The following DENND2A variants were observed in gnomAD, a reference collection of about 807,000 sequenced individuals.
DENND2A encodes DENN domain-containing protein 2A.
DENND2A carries 53 observed loss-of-function variants against 105.3 expected under a neutral mutation model. The ratio of observed to expected loss-of-function variants is 0.50; its 90% CI spans 0.40 to 0.63. DENND2A has a LOEUF of 0.63. Ranked by LOEUF, DENND2A falls within the 30% of genes least tolerant of loss-of-function variation. The pLI is 0.00. For missense variants in DENND2A, 1,138 were observed against 1,279.6 expected (o/e 0.89, Z 1.69); for synonymous variants, 522 against 508.4 (o/e 1.03, Z -0.36).
At chr7:140,622,859 A>T (rs1372524110) in intron 1 of DENND2A, among the ~76,000 whole-genome samples, 1 of 151,676 alleles carries the variant, frequency 6.6e-6, no homozygotes, top group Non-Finnish European at 1.5e-5. Flanking sequence ...GGCGTGAGCC[A>T]TCATGCCAGG....
At chr7:140,621,522 C>T (rs1461637207) in intron 1 of DENND2A, among the ~76,000 whole-genome samples, 3 of 138,954 alleles carry the variant, frequency 2.2e-5, no homozygotes, top group Non-Finnish European at 4.8e-5. Flanking sequence ...CAATGTAACA[C>T]GTTCTGGAAT....
At chr7:140,555,052 C>A (rs1287803477) in intron 12 of DENND2A, among the ~76,000 whole-genome samples, 6 of 151,926 alleles carry the variant, frequency 3.9e-5, no homozygotes, top group African/African-American at 1.5e-4. Flanking sequence ...CTGGGAGGGT[C>A]TTCCACCCCT....
chr7:140,587,533 T>C, intron 4 of DENND2A, 120 bp downstream of exon 4: 4 of 1,372,432 alleles, frequency 2.9e-6, no homozygotes, highest in Non-Finnish European at 4.0e-6. Flanking sequence ...TGCACAGGTG[T>C]CTTCAAGTGT....
At chr7:140,612,550 G>A in intron 1 of DENND2A, among the ~76,000 whole-genome samples, 1 of 149,790 alleles carries the variant, frequency 6.7e-6, no homozygotes, top group Non-Finnish European at 1.5e-5. Context: ...TGCCCGATCT[G>A]GAGTGCAATG....
chr7:140,635,153 C>T (rs916534589), intron 1 of DENND2A, among the ~76,000 whole-genome samples: 1 of 151,998 alleles, frequency 6.6e-6, no homozygotes, highest in African/African-American at 2.4e-5. Context: ...GTCCCCGCTA[C>T]TCAAGAGGCT....
At chr7:140,539,473 T>G (rs1327632641) in intron 14 of DENND2A, among the ~76,000 whole-genome samples, 1 of 152,182 alleles carries the variant, frequency 6.6e-6, no homozygotes, top group East Asian at 1.9e-4. Flanking sequence ...TGAGGGCCTG[T>G]GCTAGGGAGA....
At chr7:140,593,071 T>C (rs75645917) in intron 3 of DENND2A, among the ~76,000 whole-genome samples, 6,038 of 152,256 alleles carry the variant, frequency 0.04, 222 homozygotes, top group African/African-American at 0.1. Context: ...AACTTGAAAG[T>C]TTTAGTACCT....
At chr7:140,638,316 A>G (rs971280270) in intron 1 of DENND2A, among the ~76,000 whole-genome samples, 6 of 152,240 alleles carry the variant, frequency 3.9e-5, no homozygotes, top group Non-Finnish European at 7.3e-5. Flanking sequence ...CAGAAGGTCC[A>G]CATTCCTTTT....
At chr7:140,544,845 G>A (rs369648120) in intron 13 of DENND2A, 79 bp from the exon 14 acceptor site, 37 of 1,541,500 alleles carry the variant, frequency 2.4e-5, no homozygotes, top group Non-Finnish European at 3.1e-5. Flanking sequence ...CAGTCCCAGG[G>A]CTCTGAGGTC....
intron 16 of DENND2A, among the ~76,000 whole-genome samples, chr7:140,525,451 A>G (rs1796023717): frequency 6.6e-6 from 1 of 152,184 alleles, no homozygotes; most frequent in South Asian, 2.1e-4. Context: ...CACTGCACCC[A>G]GCTATTTTTA....
chr7:140,581,282 C>T (rs901632906), intron 5 of DENND2A, among the ~76,000 whole-genome samples: 13 of 151,600 alleles, frequency 8.6e-5, no homozygotes, highest in South Asian at 6.2e-4. Flanking sequence ...AGAAAAGAAA[C>T]GGTGGGTGAT....
In DENND2A at chr7:140,527,963, C is replaced by G. The variant is rs1291691773; in HGVS notation, c.2328-468G>C. On this transcript the variant is annotated intron_variant, in intron 14 of 19. Coordinates refer to ENST00000496613, the MANE Select transcript of DENND2A (RefSeq NM_015689.5). The surrounding 1 kb of genome is among the most constrained non-coding windows in gnomAD (Gnocchi z 4.9). ...TCAAGCAATTCTCCCACCTCGGCCT[C>G]CTGAGTAGCTGGGACTGCAGGCACG... 6.6e-6 allele frequency among the ~76,000 whole-genome samples: 1 copy of G among 152,044 alleles called. No individual in the cohort carries two copies.
chr7:140,552,755 G>A (rs969208676), intron 12 of DENND2A, among the ~76,000 whole-genome samples: 1 of 152,012 alleles, frequency 6.6e-6, no homozygotes, highest in African/African-American at 2.4e-5. Context: ...TCCCAGGCTG[G>A]AGTGCAGTGA....
intron 3 of DENND2A, among the ~76,000 whole-genome samples, chr7:140,593,685 C>G (rs1799157581): frequency 6.6e-6 from 1 of 152,150 alleles, no homozygotes; most frequent in Admixed American, 6.6e-5. Flanking sequence ...CTCCTAGCCT[C>G]CCTCCCACTT....
chr7:140,521,884 T>C lies in DENND2A; in HGVS notation c.2882A>G (p.Glu961Gly). The part of the protein sequence containing the change: ...ETQMFRGFIQ[E>G]RELRRQDAKG... ...GGCATCCTGCCGGCGCAGCTCCCGC[T>C]CCTGGATGAAGCCCCGAAACATCTG... is the stretch of plus-strand genomic sequence containing the variant. Residue 961 changes from glutamate (E) to glycine (G), a missense_variant, in exon 18 of 20, where the codon GAG becomes GGG. Glu to Gly is a moderately conservative substitution (Grantham distance 98). Coordinates refer to ENST00000496613, the MANE Select transcript of DENND2A (RefSeq NM_015689.5). 6.2e-7 allele frequency: 1 copy of C among 1,614,074 alleles called. No individual in the cohort carries two copies. Among genetic ancestry groups the C allele is most frequent in the Non-Finnish European group, 8.5e-7 (1 of 1,180,042 alleles).
At chr7:140,551,916 C>G (rs936986212) in intron 12 of DENND2A, among the ~76,000 whole-genome samples, 22 of 152,104 alleles carry the variant, frequency 1.4e-4, no homozygotes, top group African/African-American at 5.3e-4. Flanking sequence ...CTAAAATATC[C>G]CTGGTCAGAA....
chr7:140,594,459 G>A (rs1425286595), intron 3 of DENND2A, among the ~76,000 whole-genome samples: 2 of 151,894 alleles, frequency 1.3e-5, no homozygotes, highest in African/African-American at 2.4e-5. Flanking sequence ...CCACCCTCCC[G>A]CTGGCCCGAG....
chr7:140,537,854 T>A (rs549004733), intron 14 of DENND2A, among the ~76,000 whole-genome samples: 8 of 152,330 alleles, frequency 5.3e-5, no homozygotes, highest in African/African-American at 1.9e-4. Flanking sequence ...TCTGACTTTA[T>A]CATTCAGCCT....
Position 140,559,681 on chromosome 7 carries a change from C to T in DENND2A, c.1889+27G>A. ...CTAAGTCTCGCCTTAGTCTTTGGGG[C>T]TGCGAAGGGGAGAAGCCAGCTCGTA... On this transcript the variant is annotated intron_variant, in intron 10 of 19. Transcript: ENST00000496613. The surrounding 1 kb of genome is among the most constrained non-coding windows in gnomAD (Gnocchi z 4.1). 5 of 1,550,078 alleles carry T rather than the reference C, an allele frequency of 3.2e-6. No individual in the cohort carries two copies. Among genetic ancestry groups the T allele is most frequent in the African/African-American group, 1.4e-5 (1 of 73,706 alleles).
Sources: allele counts gnomAD v4.1 joint callset (sites outside exome capture counted in the v4.1 genomes callset), GRCh38; gene constraint gnomAD v4.1.1; non-coding constraint Gnocchi (gnomAD v3.1); transcripts MANE v1.5; gene names NCBI Gene and HGNC (gene_info 2026-07-23, HGNC 2026-07-21).